The following SETDB1 variants were observed in gnomAD, a reference collection of about 807,000 sequenced individuals.
SETDB1 encodes histone-lysine N-methyltransferase SETDB1.
In SETDB1, 31 loss-of-function variants were observed where a neutral mutation model predicts 137.4. That is an observed-to-expected ratio of 0.23 (90% CI 0.17 to 0.30). The LOEUF is 0.30. SETDB1 is among the 10% of genes least tolerant of loss of function. The probability of loss-of-function intolerance (pLI) is 1.00; values close to 1 mark genes in which losing one functional copy is unlikely to be tolerated. For synonymous variants in SETDB1, 548 were observed against 579.9 expected (o/e 0.95, Z 0.79); for missense variants, 1,113 against 1,631.5 (o/e 0.68, Z 5.47).
At position 150,951,096 on chromosome 1, in the gene SETDB1, TTGG is replaced by T. The variant is rs1269162410; in HGVS notation, c.2216+10_2216+12del. On this transcript the variant is annotated splice_region_variant and intron_variant, in intron 13 of 21. Coordinates refer to ENST00000692827, the MANE Select transcript of SETDB1 (RefSeq NM_001366418.1). The stretch of plus-strand genomic sequence containing the variant: ...AAGGATGGGTGTCGGGACAAGTGAG[TTGG>T]TGGGGGGAATTGCTGCCCCTGCTTC... 6.9e-6 allele frequency: 11 copies of T among 1,600,704 alleles called. No homozygotes were observed. Among genetic ancestry groups the T allele is most frequent in the African/African-American group, 6.7e-5 (5 of 74,450 alleles).
At chr1:150,958,728 T>G (rs1042821990) in intron 14 of SETDB1, among the ~76,000 whole-genome samples, 3 of 152,098 alleles carry the variant, frequency 2.0e-5, no homozygotes, top group Non-Finnish European at 2.9e-5. Context: ...ATTTATTTAT[T>G]TTTATTATTA....
In SETDB1 at chr1:150,927,750, A is replaced by T. The variant is rs1264202452; in HGVS notation, c.36A>T (p.Ala12=). ...TTCCTGGGTGCATTGGTTTGGATGC[A>T]GCAACAGCTACAGTGGAGTCTGAAG... ...SSLPGCIGLD[A]ATATVESEEI... Residue 12 remains alanine (A), a synonymous_variant, in exon 2 of 22, where the codon GCA becomes GCT. Transcript: ENST00000692827. 1 of 1,614,060 alleles carries T rather than the reference A, an allele frequency of 6.2e-7. No homozygotes were observed. Among genetic ancestry groups the T allele is most frequent in the Non-Finnish European group, 8.5e-7 (1 of 1,180,018 alleles).
rs760591865 is a variant in SETDB1 at position 150,960,699 on chromosome 1, C to T, written c.2640C>T (p.Asp880=). Residue 880 remains aspartate (D), a synonymous_variant, in exon 16 of 22, where the codon GAC becomes GAT. Coordinates refer to ENST00000692827, the MANE Select transcript of SETDB1 (RefSeq NM_001366418.1). ...GYESDAPCSS[D]SSGVDLKDQE... ...AGAGTGATGCCCCCTGTTCCTCTGACAGCAGTGGTGTAGACTTGAAGGACC... is the reference window on the plus strand; with the variant it reads ...AGAGTGATGCCCCCTGTTCCTCTGATAGCAGTGGTGTAGACTTGAAGGACC... 3.1e-6 allele frequency: 5 copies of T among 1,611,838 alleles called. No homozygotes were observed. The highest frequency in any genetic ancestry group is 2.2e-5 in the South Asian group (2 of 90,670).
intron 3 of SETDB1, among the ~76,000 whole-genome samples, chr1:150,936,578 A>G (rs1232210504): frequency 6.6e-6 from 1 of 152,212 alleles, no homozygotes; most frequent in Non-Finnish European, 1.5e-5. Flanking sequence ...AGATAACACT[A>G]CTGCAAATAT....
intron 8 of SETDB1, 51 bp downstream of exon 8, chr1:150,944,044 TTTC>T: frequency 8.1e-7 from 1 of 1,227,662 alleles, no homozygotes; most frequent in Middle Eastern, 1.9e-4. Context: ...CTACCTTGTA[TTTC>T]TTCTTAGGAC....
Position 150,951,059 on chromosome 1 carries a change from G to A in SETDB1, c.2185G>A (p.Gly729Ser). 1.2e-6 allele frequency: 2 copies of A among 1,611,624 alleles called. No homozygotes were observed. Among genetic ancestry groups the A allele is most frequent in the Non-Finnish European group, 1.7e-6 (2 of 1,177,898 alleles). Residue 729 changes from glycine (G) to serine (S), a missense_variant, in exon 13 of 22, where the codon GGC becomes AGC. By Grantham distance (56) the Gly-to-Ser change is moderately conservative. Transcript: ENST00000692827. Reference sequence around the variant, plus strand: ...TAACACAGGCCCTGAATTTCTGGTTGGCTGTGACTGCAAGGATGGGTGTCG... The same window carrying A: ...TAACACAGGCCCTGAATTTCTGGTTAGCTGTGACTGCAAGGATGGGTGTCG... ...FINTGPEFLV[G>S]CDCKDGCRDK...
chr1:150,953,262 C>T (rs1290591183), intron 14 of SETDB1, among the ~76,000 whole-genome samples: 4 of 152,096 alleles, frequency 2.6e-5, no homozygotes, highest in East Asian at 1.9e-4. Flanking sequence ...TGGTGGCTCA[C>T]GCCTGTAATC....
intron 3 of SETDB1, among the ~76,000 whole-genome samples, chr1:150,934,979 G>A (rs748962222): frequency 1.3e-5 from 2 of 152,058 alleles, no homozygotes; most frequent in African/African-American, 4.8e-5. Flanking sequence ...GCACCACCAC[G>A]CCCGGCTAAT....
chr1:150,951,326 T>C, intron 13 of SETDB1, 39 bp from the exon 14 acceptor site: 1 of 1,423,758 alleles, frequency 7.0e-7, no homozygotes, highest in Non-Finnish European at 9.9e-7. Flanking sequence ...TGTTCTCTGA[T>C]CCCCCCGCTC....
At chr1:150,937,142 G>A (rs1669970845) in intron 3 of SETDB1, among the ~76,000 whole-genome samples, 1 of 148,110 alleles carries the variant, frequency 6.8e-6, no homozygotes, top group African/African-American at 2.5e-5. Flanking sequence ...AAATATATGT[G>A]TATATATATA....
At chr1:150,934,616 C>G (rs376994048) in intron 3 of SETDB1, among the ~76,000 whole-genome samples, 3 of 152,164 alleles carry the variant, frequency 2.0e-5, no homozygotes, top group South Asian at 4.1e-4. Context: ...TTTAAGCAGT[C>G]TCATGTTTAA....
At position 150,944,946 on chromosome 1, in the gene SETDB1, C is replaced by T. The variant is rs1489254434; in HGVS notation, c.978C>T (p.Asp326=). The T allele has an allele frequency of 8.1e-6, 13 of 1,614,016 alleles. No individual in the cohort carries two copies. Among genetic ancestry groups the T allele is most frequent in the Non-Finnish European group, 1.1e-5 (13 of 1,180,002 alleles). Reference sequence around the variant, plus strand: ...AAAAGACTTGGGAGGACATAGAAGACATCTCCTGCCGTGACTTCATAGAGG... The same window carrying T: ...AAAAGACTTGGGAGGACATAGAAGATATCTCCTGCCGTGACTTCATAGAGG... The part of the protein sequence containing the change: ...PLKKTWEDIE[D]ISCRDFIEEY... The change falls in exon 9 of 22, where the codon GAC becomes GAT. Residue 326 remains aspartate, a synonymous_variant. Coordinates refer to ENST00000692827, the MANE Select transcript of SETDB1 (RefSeq NM_001366418.1).
chr1:150,938,215 A>T (rs1182048717), intron 3 of SETDB1, among the ~76,000 whole-genome samples: 5 of 36,252 alleles, frequency 1.4e-4, no homozygotes, highest in Non-Finnish European at 3.3e-4. Context: ...GCAAGATTCC[A>T]TCTCAAAAAA....
At position 150,963,591 on chromosome 1, in the gene SETDB1, T is replaced by C. The variant is rs1292439063; in HGVS notation, c.3522T>C (p.His1174=). The C allele has an allele frequency of 1.9e-6, 3 of 1,613,916 alleles. No individual in the cohort carries two copies. The highest frequency in any genetic ancestry group is 1.7e-5 in the Admixed American group (1 of 59,992). ...GAGGCTTTGCTCTTAAATCAACCCA[T>C]GGGATTGCAATTAAATCAACCAACA... The part of the protein sequence containing the change: ...STRGFALKST[H]GIAIKSTNMA... The change falls in exon 20 of 22, where the codon CAT becomes CAC. Residue 1174 remains histidine, a synonymous_variant. Coordinates refer to ENST00000692827, the MANE Select transcript of SETDB1 (RefSeq NM_001366418.1).
rs188538368 is a variant in SETDB1, at chr1:150,963,749, C to T, written c.3672+8C>T. The stretch of plus-strand genomic sequence containing the variant: ...CTGGGCCGCTACCTCAACGTGAGAC[C>T]CCTCTCCCCACCTCTAGATGCTGGA... On this transcript the variant is annotated splice_region_variant and intron_variant, in intron 20 of 21. Transcript: ENST00000692827. 1.2e-6 allele frequency: 2 copies of T among 1,613,044 alleles called. No homozygotes were observed. Among genetic ancestry groups the T allele is most frequent in the East Asian group, 2.2e-5 (1 of 44,884 alleles).
intron 3 of SETDB1, among the ~76,000 whole-genome samples, chr1:150,937,358 T>G (rs1669978155): frequency 6.6e-6 from 1 of 152,064 alleles, no homozygotes; most frequent in African/African-American, 2.4e-5. Flanking sequence ...GTTTAATAGG[T>G]ACAGAGTTTC....
chr1:150,952,445 G>A (rs377686141), intron 14 of SETDB1, among the ~76,000 whole-genome samples: 2 of 152,116 alleles, frequency 1.3e-5, no homozygotes, highest in African/African-American at 4.8e-5. Flanking sequence ...ATTATGGAGT[G>A]GGGGGAAAGA....
Position 150,945,092 on chromosome 1 carries a change from T to G in SETDB1, c.1124T>G (p.Val375Gly), listed in dbSNP as rs1670282611. ...SRVEEVDGSL[V>G]RILFLDDKRC... ...GTTGAGGAGGTGGATGGCAGCCTAG[T>G]CAGGATCCTCTTCCTGGTACTGTTC... The change falls in exon 9 of 22, where the codon GTC (valine) becomes GGC (glycine). Residue 375 changes from valine to glycine, a missense_variant. Around this residue, in one of 11 missense-constraint regions of SETDB1, gnomAD observed 154 missense variants for 303.1 expected, o/e 0.51. Transcript: ENST00000692827. 6.2e-7 allele frequency: 1 copy of G among 1,614,028 alleles called. No individual in the cohort carries two copies. The highest frequency in any genetic ancestry group is 8.5e-7 in the Non-Finnish European group (1 of 1,179,968).
intron 3 of SETDB1, among the ~76,000 whole-genome samples, chr1:150,931,342 T>C (rs1052534852): frequency 1.1e-4 from 16 of 148,512 alleles, no homozygotes; most frequent in Admixed American, 9.5e-4. Context: ...TCCCAGCACT[T>C]TGGGAGGCCA....
Sources: gnomAD v4.1 joint callset for allele counts (sites outside exome capture counted in the v4.1 genomes callset) on GRCh38, gnomAD v4.1.1 for gene constraint, gnomAD v4.1.1 regional missense constraint, MANE v1.5 for transcripts, NCBI Gene and HGNC (gene_info 2026-07-23, HGNC 2026-07-21) for gene names.